Variants in STK39 observed in about 807,000 individuals in gnomAD.
STK39 encodes serine/threonine kinase 39, also known as STE20/SPS1-related proline-alanine-rich protein kinase.
A neutral mutation model predicts 77.8 loss-of-function variants in STK39; 20 were observed. The ratio of observed to expected loss-of-function variants is 0.26; its 90% CI spans 0.18 to 0.37. The LOEUF (loss-of-function observed/expected upper bound fraction) is 0.37, where lower values mean the gene tolerates loss of function less well. STK39 is among the 10% of genes least tolerant of loss of function. The pLI, the probability that STK39 is intolerant of heterozygous loss-of-function variation, is 1.00. For missense variants in STK39, 479 were observed against 656.5 expected, an observed-to-expected ratio of 0.73 and a Z score of 2.95; for synonymous variants, 246 against 234.1, an observed-to-expected ratio of 1.05 and a Z score of -0.47.
chr2:168,029,476 A>T (rs984378492), intron 14 of STK39, among the ~76,000 whole-genome samples: 1 of 152,216 alleles, frequency 6.6e-6, no homozygotes, highest in African/African-American at 2.4e-5. Context: ...GCAAACGATG[A>T]AAGTTTTTTT....
chr2:168,010,665 T>A (rs1452737542), intron 16 of STK39, among the ~76,000 whole-genome samples: 1 of 152,220 alleles, frequency 6.6e-6, no homozygotes, highest in Non-Finnish European at 1.5e-5. Flanking sequence ...AGCTTCATTG[T>A]GAAATCAATG....
rs1296496945 is a variant in STK39 at position 168,237,030 on chromosome 2, T to C, written c.208+10198A>G. Among the ~76,000 whole-genome samples, 13 of 152,228 alleles carry C rather than the reference T, an allele frequency of 8.5e-5. No individual in the cohort carries two copies. The South Asian group carries it at 1.0e-3, about 12-fold the overall frequency. ...GGATGGCATTGAATCTATAAATTAC[T>C]TTGGGCAGTATGGCCATTTTCACGA... On this transcript the variant is annotated intron_variant, in intron 1 of 17. Transcript: ENST00000355999.
At chr2:168,133,949 G>C (rs979565230) in intron 8 of STK39, among the ~76,000 whole-genome samples, 1 of 151,978 alleles carries the variant, frequency 6.6e-6, no homozygotes, top group Non-Finnish European at 1.5e-5. Context: ...GGTTTTTTTG[G>C]TTTTTATTTT....
chr2:168,209,845 A>G (rs1298787219), intron 1 of STK39, among the ~76,000 whole-genome samples: 1 of 152,128 alleles, frequency 6.6e-6, no homozygotes, highest in Non-Finnish European at 1.5e-5. Context: ...TTAAAAATAC[A>G]AAAACTAATC....
intron 16 of STK39, among the ~76,000 whole-genome samples, chr2:168,006,779 T>C (rs1369261770): frequency 1.3e-5 from 2 of 152,346 alleles, no homozygotes; most frequent in East Asian, 3.9e-4. Flanking sequence ...AGTGCCGAGT[T>C]TAAGCACAAG....
intron 10 of STK39, among the ~76,000 whole-genome samples, chr2:168,121,420 C>T (rs1235618028): frequency 1.3e-5 from 2 of 152,228 alleles, no homozygotes; most frequent in African/African-American, 2.4e-5. Flanking sequence ...CACACATACA[C>T]GCCCCTTCTC....
intron 2 of STK39, among the ~76,000 whole-genome samples, chr2:168,180,800 T>A (rs1266291650): frequency 1.3e-5 from 2 of 152,206 alleles, no homozygotes; most frequent in African/African-American, 4.8e-5. Flanking sequence ...GTATGCAAAT[T>A]TCAAAAATTA....
intron 1 of STK39, among the ~76,000 whole-genome samples, chr2:168,205,743 CAGG>C (rs1689725328): frequency 1.3e-5 from 2 of 152,016 alleles, no homozygotes; most frequent in African/African-American, 4.8e-5. Context: ...AGCTTGAGCC[CAGG>C]AGTTCAAGGC....
At chr2:168,162,286 CAAAAAAAAAAA>C (rs5836174) in intron 4 of STK39, among the ~76,000 whole-genome samples, 2 of 85,696 alleles carry the variant, frequency 2.3e-5, no homozygotes, top group Non-Finnish European at 4.8e-5. Flanking sequence ...AACTTGGTCT[CAAAAAAAAAAA>C]AAAAAAAAAA....
At chr2:167,960,708 A>G (rs1691930689) in intron 17 of STK39, among the ~76,000 whole-genome samples, 1 of 152,076 alleles carries the variant, frequency 6.6e-6, no homozygotes, top group Non-Finnish European at 1.5e-5. Flanking sequence ...GGCGTCACTG[A>G]AAAGGAATGC....
chr2:168,180,644 GAA>G (rs1383211704), intron 2 of STK39, among the ~76,000 whole-genome samples: 1 of 152,166 alleles, frequency 6.6e-6, no homozygotes, highest in Non-Finnish European at 1.5e-5. Flanking sequence ...CCAACTCAGA[GAA>G]AGTGACCTTG....
chr2:168,102,681 G>A (rs896439103), intron 10 of STK39, among the ~76,000 whole-genome samples: 6 of 152,052 alleles, frequency 3.9e-5, no homozygotes, highest in African/African-American at 1.2e-4. Context: ...TGTAATCCCA[G>A]CACTTTGGGA....
intron 16 of STK39, among the ~76,000 whole-genome samples, chr2:168,000,144 A>C (rs1683962909): frequency 6.6e-6 from 1 of 152,228 alleles, no homozygotes; most frequent in South Asian, 2.1e-4. Context: ...AAACAGGTGA[A>C]TTGCATGGAT....
chr2:167,982,000 A>AT (rs2105268490), intron 16 of STK39, among the ~76,000 whole-genome samples: 1 of 152,284 alleles, frequency 6.6e-6, no homozygotes, highest in South Asian at 2.1e-4. Context: ...GAAACTTGAC[A>AT]TACTGGCTAG....
chr2:167,995,968 G>A (rs1683828453), intron 16 of STK39, among the ~76,000 whole-genome samples: 1 of 152,136 alleles, frequency 6.6e-6, no homozygotes, highest in African/African-American at 2.4e-5. Context: ...ATGCTCTGCT[G>A]TCACCGTATT....
intron 14 of STK39, among the ~76,000 whole-genome samples, chr2:168,029,216 G>C (rs746536287): frequency 6.6e-6 from 1 of 152,192 alleles, no homozygotes; most frequent in Non-Finnish European, 1.5e-5. Flanking sequence ...TGAGATGTCA[G>C]TTACTCCAAC....
At chr2:168,174,056 T>C (rs1301307850) in intron 2 of STK39, among the ~76,000 whole-genome samples, 1 of 152,248 alleles carries the variant, frequency 6.6e-6, no homozygotes, top group South Asian at 2.1e-4. Flanking sequence ...TAACCAAGTA[T>C]AGTCCAATGG....
chr2:168,241,550 G>T (rs900979575), intron 1 of STK39, among the ~76,000 whole-genome samples: 1 of 152,196 alleles, frequency 6.6e-6, no homozygotes, highest in South Asian at 2.1e-4. Context: ...GAGGTGCAAG[G>T]GGAAGCCAGA....
chr2:168,192,717 A>C (rs1340091061), intron 1 of STK39, among the ~76,000 whole-genome samples: 1 of 152,232 alleles, frequency 6.6e-6, no homozygotes, highest in Non-Finnish European at 1.5e-5. Flanking sequence ...CTATACATGT[A>C]AACATAATAA....
Sources: allele counts gnomAD v4.1 joint callset (sites outside exome capture counted in the v4.1 genomes callset), GRCh38; gene constraint gnomAD v4.1.1; transcripts MANE v1.5; gene names NCBI Gene and HGNC (gene_info 2026-07-23, HGNC 2026-07-21).